The following ABHD12B variants were observed in gnomAD, a reference collection of about 807,000 sequenced individuals.
ABHD12B encodes abhydrolase domain containing 12B.
ABHD12B carries 42 observed loss-of-function variants against 50.4 expected under a neutral mutation model. That is an observed-to-expected ratio of 0.83 (90% confidence interval 0.65 to 1.08). The LOEUF is 1.08. Among genes scored for constraint, ABHD12B ranks in the 50% least tolerant of loss-of-function variants. ABHD12B has a pLI of 0.00. For synonymous variants in ABHD12B, 167 were observed against 160.3 expected (o/e 1.04, Z -0.32); for missense variants, 479 against 447.7 (o/e 1.07, Z -0.63).
chr14:50,892,695 AGTT>A (rs766609914), intron 9 of ABHD12B: 1 of 732,272 alleles, frequency 1.4e-6, no homozygotes, highest in Non-Finnish European at 1.7e-6. Flanking sequence ...TTTGGATTTA[AGTT>A]GTTATTTAAA....
Position 50,904,677 on chromosome 14 carries a change from G to A in ABHD12B, c.*311G>A, listed in dbSNP as rs1387461524. 8 of 449,262 alleles carry A rather than the reference G, an allele frequency of 1.8e-5. No homozygotes were observed. Among genetic ancestry groups the A allele is most frequent in the Non-Finnish European group, 2.8e-5 (7 of 247,168 alleles). 27.8% of individuals were successfully genotyped at this position (449,262 alleles called of 1,614,324 possible). A position where few individuals can be genotyped will look rare whatever the true frequency, so the allele number is the denominator to read the frequency against. On this transcript the variant is annotated 3_prime_UTR_variant, in exon 13 of 13. Coordinates refer to ENST00000337334, the MANE Select transcript of ABHD12B (RefSeq NM_001206673.2). ...CATTCTGTGGATATTTGTGAATAAG[G>A]TAGTTGCTATGGTCCGAATATCTGG...
At chr14:50,900,203 C>A (rs747605599) in intron 9 of ABHD12B, among the ~76,000 whole-genome samples, 2 of 152,146 alleles carry the variant, frequency 1.3e-5, no homozygotes, top group Non-Finnish European at 2.9e-5. Flanking sequence ...ACTGCACCCA[C>A]TCCCAGTCTA....
intron 9 of ABHD12B, among the ~76,000 whole-genome samples, chr14:50,895,272 C>T (rs530810886): frequency 3.3e-5 from 5 of 150,294 alleles, no homozygotes; most frequent in African/African-American, 1.0e-4. Flanking sequence ...AACCCCACAA[C>T]AGGATTTAAT....
chr14:50,875,255 G>C (rs1363675733), intron 1 of ABHD12B, among the ~76,000 whole-genome samples: 2 of 152,236 alleles, frequency 1.3e-5, no homozygotes, highest in Non-Finnish European at 2.9e-5. Flanking sequence ...TACTTCCATG[G>C]GTGTGAAGGA....
At chr14:50,896,372 T>C (rs1037833705) in intron 9 of ABHD12B, among the ~76,000 whole-genome samples, 5 of 152,152 alleles carry the variant, frequency 3.3e-5, no homozygotes, top group African/African-American at 1.2e-4. Flanking sequence ...ATTTTTCTTA[T>C]TAATATAAGA....
At chr14:50,877,332 C>T (rs937473132) in intron 1 of ABHD12B, among the ~76,000 whole-genome samples, 1 of 152,192 alleles carries the variant, frequency 6.6e-6, no homozygotes, top group African/African-American at 2.4e-5. Context: ...TTAAAAACTG[C>T]AGCAACTGTT....
intron 9 of ABHD12B, among the ~76,000 whole-genome samples, chr14:50,897,548 A>G (rs2050213208): frequency 6.6e-6 from 1 of 152,148 alleles, no homozygotes; most frequent in South Asian, 2.1e-4. Flanking sequence ...TGATCTCAAC[A>G]GGACATAAAT....
chr14:50,901,779 T>C, intron 9 of ABHD12B, 50 bp from the exon 10 acceptor site: 1 of 1,229,454 alleles, frequency 8.1e-7, no homozygotes, highest in South Asian at 1.5e-5. Flanking sequence ...ATATAACAGA[T>C]GGCATAGCTA....
chr14:50,885,545 T>C lies in ABHD12B; in HGVS notation c.487-69T>C, dbSNP rs1188654302. The C allele has an allele frequency of 2.6e-6, 4 of 1,562,726 alleles. No homozygotes were observed. The African/African-American group carries it at 4.1e-5, about 16-fold the overall frequency. The stretch of plus-strand genomic sequence containing the variant: ...CTCCTTGTGATGTGATATGGATGGA[T>C]ATAGGGAGGAGAAGCCTTTTCTGTT... On this transcript the variant is annotated intron_variant, in intron 5 of 12. Transcript: ENST00000337334.
In ABHD12B at chr14:50,904,280, A is replaced by G. The variant is rs1244161992; in HGVS notation, c.1062-59A>G. On this transcript the variant is annotated intron_variant, in intron 12 of 12. Coordinates refer to ENST00000337334, the MANE Select transcript of ABHD12B (RefSeq NM_001206673.2). ...TTAGGCCACAACATGAAAATGTATA[A>G]TATTTTGCTTATTTAGGTAGGGAAA... 2.5e-6 allele frequency: 4 copies of G among 1,613,824 alleles called. No homozygotes were observed. The African/African-American group carries it at 5.3e-5, about 22-fold the overall frequency.
At chr14:50,886,863 G>A (rs1566488487) in intron 8 of ABHD12B, among the ~76,000 whole-genome samples, 179 bp downstream of exon 8, 4 of 152,122 alleles carry the variant, frequency 2.6e-5, no homozygotes, top group Admixed American at 2.6e-4. Flanking sequence ...AACAAGAGCT[G>A]TTTTTTCAGA....
rs965059963 is a variant in ABHD12B, at chr14:50,904,845, A to T, written c.*479A>T. The T allele has an allele frequency of 1.8e-5, 4 of 227,516 alleles. No individual in the cohort carries two copies. In the Admixed American group the frequency reaches 2.1e-4, roughly 12 times the overall value. 14.1% of individuals were successfully genotyped at this position (227,516 alleles called of 1,614,324 possible). A position where few individuals can be genotyped will look rare whatever the true frequency, so the allele number is the denominator to read the frequency against. On this transcript the variant is annotated 3_prime_UTR_variant, in exon 13 of 13. Transcript: ENST00000337334. ...CACTCCTCCTACCATTTGAGGATAC[A>T]GTGAGAAGCCTTCATCTATGAACCA... is the stretch of plus-strand genomic sequence containing the variant.
At chr14:50,900,373 G>C (rs2050249009) in intron 9 of ABHD12B, among the ~76,000 whole-genome samples, 1 of 152,220 alleles carries the variant, frequency 6.6e-6, no homozygotes, top group East Asian at 1.9e-4. Context: ...AAATATTTAT[G>C]AAGTGTCTAT....
chr14:50,882,972 T>TGAAAA (rs1596005835), intron 5 of ABHD12B, among the ~76,000 whole-genome samples: 1 of 10,176 alleles, frequency 9.8e-5, no homozygotes, highest in Non-Finnish European at 2.6e-4. Flanking sequence ...AGACCCTGAC[T>TGAAAA]CAAAAAAAAA....
intron 9 of ABHD12B, chr14:50,895,541 G>A (rs1007344724): frequency 6.6e-6 from 1 of 152,012 alleles, no homozygotes; most frequent in African/African-American, 2.4e-5. Context: ...ACTGAAAATC[G>A]GACTGTTCAA....
At chr14:50,892,329 GGGA>G (rs2142755165) in intron 9 of ABHD12B, 1 of 816,762 alleles carries the variant, frequency 1.2e-6, no homozygotes, top group Admixed American at 6.2e-5. Flanking sequence ...AAATCCAAAA[GGGA>G]ATGAGGGTAG....
chr14:50,884,115 A>G (rs1741119540), intron 5 of ABHD12B, among the ~76,000 whole-genome samples: 1 of 152,240 alleles, frequency 6.6e-6, no homozygotes, highest in South Asian at 2.1e-4. Flanking sequence ...TTACACTGCT[A>G]TTGGATATAA....
At chr14:50,883,567 C>A (rs745971483) in intron 5 of ABHD12B, among the ~76,000 whole-genome samples, 2 of 152,264 alleles carry the variant, frequency 1.3e-5, no homozygotes, top group Non-Finnish European at 2.9e-5. Context: ...AGCTAATGTC[C>A]GTGAGAATGT....
At chr14:50,881,431 T>A (rs999329087) in intron 4 of ABHD12B, among the ~76,000 whole-genome samples, 165 bp from the exon 5 acceptor site, 3 of 147,310 alleles carry the variant, frequency 2.0e-5, no homozygotes, top group African/African-American at 5.0e-5. Flanking sequence ...AACCCAGCAT[T>A]TTTTTTTTTT....
Sources: allele counts gnomAD v4.1 joint callset (sites outside exome capture counted in the v4.1 genomes callset), GRCh38; gene constraint gnomAD v4.1.1; transcripts MANE v1.5; gene names NCBI Gene and HGNC (gene_info 2026-07-23, HGNC 2026-07-21).